Variants in PCLO observed in about 807,000 individuals in gnomAD.
PCLO encodes the protein protein piccolo.
PCLO carries 82 observed loss-of-function variants against 427.5 expected under a neutral mutation model. That is an observed-to-expected ratio of 0.19 (90% CI 0.16 to 0.23). The LOEUF is 0.23. PCLO is among the 10% of genes least tolerant of loss of function. PCLO has a pLI of 1.00. For missense variants in PCLO, 6,239 were observed against 6,115.9 expected, an observed-to-expected ratio of 1.02 and a Z score of -0.67; for synonymous variants, 2,357 against 2,155.4, an observed-to-expected ratio of 1.09 and a Z score of -2.59.
At chr7:83,037,989 T>TTATATATATATA (rs1161030427) in intron 3 of PCLO, among the ~76,000 whole-genome samples, 132 of 13,562 alleles carry the variant, frequency 9.7e-3, no homozygotes, top group South Asian at 0.012. Flanking sequence ...AAGGAGGAGC[T>TTATATATATATA]TATATATATA....
Position 82,949,537 on chromosome 7 carries a change from G to T in PCLO, c.11051C>A (p.Pro3684His). The part of the protein sequence containing the change: ...MMQRSMSDPK[P>H]LSPTADESSR... ...ACTTTCGTCTGCTGTTGGACTCAGA[G>T]GCTTGGGGTCAGACATAGAACGCTG... The change falls in exon 6 of 25, where the codon CCT (proline) becomes CAT (histidine). Residue 3684 changes from proline (P) to histidine (H), a missense_variant. Physicochemically the swap from Pro to His is moderately conservative, Grantham distance 77. Transcript: ENST00000333891. 6.2e-7 allele frequency: 1 copy of T among 1,613,696 alleles called. No individual in the cohort carries two copies. The highest frequency in any genetic ancestry group is 2.2e-5 in the East Asian group (1 of 44,878).
At chr7:82,991,599 T>C (rs991883407) in intron 3 of PCLO, among the ~76,000 whole-genome samples, 5 of 152,288 alleles carry the variant, frequency 3.3e-5, no homozygotes, top group African/African-American at 1.2e-4. Flanking sequence ...TCAAAGATAT[T>C]CACTAGAATG....
intron 10 of PCLO, among the ~76,000 whole-genome samples, chr7:82,874,726 T>C (rs1584085488): frequency 6.6e-6 from 1 of 152,144 alleles, no homozygotes; most frequent in African/African-American, 2.4e-5. Context: ...AAAAGGTATA[T>C]AATAATTAAT....
chr7:82,822,770 C>T, intron 19 of PCLO, 81 bp from the exon 20 acceptor site: 1 of 1,168,594 alleles, frequency 8.6e-7, no homozygotes, highest in African/African-American at 1.5e-5. Flanking sequence ...TAATTTGAAA[C>T]TGCCTAAAAT....
At chr7:82,957,280 G>T (rs540132086) in intron 4 of PCLO, among the ~76,000 whole-genome samples, 3 of 152,086 alleles carry the variant, frequency 2.0e-5, no homozygotes, top group Non-Finnish European at 4.4e-5. Flanking sequence ...TTGTGATGAA[G>T]ATATTTAAAG....
In PCLO at chr7:82,962,737, T is replaced by C. The variant is rs146168610; in HGVS notation, c.4017+3034A>G. ...GAAGTAATTTCTCTGATTGGAATTA[T>C]AATTTTAAAGAATAAGGTTAGGGAG... On this transcript the variant is annotated intron_variant, in intron 4 of 24. Coordinates refer to ENST00000333891, the MANE Select transcript of PCLO (RefSeq NM_033026.6). Among the ~76,000 whole-genome samples, 1,354 of 152,092 alleles carry C rather than the reference T, an allele frequency of 8.9e-3. 20 individuals carry two copies. The highest frequency in any genetic ancestry group is 0.03 in the African/African-American group (1,264 of 41,556).
At chr7:83,113,644 T>A (rs2116533037) in intron 3 of PCLO, among the ~76,000 whole-genome samples, 1 of 152,292 alleles carries the variant, frequency 6.6e-6, no homozygotes, top group African/African-American at 2.4e-5. Flanking sequence ...ACAAAGATTT[T>A]GTCAGCATCT....
intron 8 of PCLO, among the ~76,000 whole-genome samples, chr7:82,907,989 T>A (rs1281823424): frequency 6.6e-6 from 1 of 152,100 alleles, no homozygotes; most frequent in Non-Finnish European, 1.5e-5. Context: ...CTCAGTTGTT[T>A]AAAATATGGT....
chr7:83,125,474 A>C (rs1378739293), intron 3 of PCLO, among the ~76,000 whole-genome samples: 1 of 152,216 alleles, frequency 6.6e-6, no homozygotes. Context: ...GAAAAGAGAG[A>C]TCAGACTGTT....
At chr7:82,966,632 C>T (rs187282172) in intron 3 of PCLO, 145 bp from the exon 4 acceptor site, 82 of 468,420 alleles carry the variant, frequency 1.8e-4, no homozygotes, top group East Asian at 4.9e-4. Context: ...AATCCAATGA[C>T]GCAGTAATTT....
chr7:82,826,991 G>C (rs1424774937), intron 17 of PCLO, among the ~76,000 whole-genome samples: 1 of 151,894 alleles, frequency 6.6e-6, no homozygotes, highest in African/African-American at 2.4e-5. Context: ...TTCATAGATT[G>C]CAAAAATGTC....
At chr7:83,032,165 C>T (rs186372144) in intron 3 of PCLO, among the ~76,000 whole-genome samples, 2 of 152,272 alleles carry the variant, frequency 1.3e-5, no homozygotes, top group East Asian at 3.9e-4. Flanking sequence ...ACACTCAGTC[C>T]TATTCATCTT....
intron 3 of PCLO, among the ~76,000 whole-genome samples, chr7:83,008,107 ACAAAAGG>A (rs151210611): frequency 0.039 from 5,912 of 151,800 alleles, 149 homozygotes; most frequent in South Asian, 0.084. Flanking sequence ...ACACATACAT[ACAAAAGG>A]CATAAGAAAT....
At chr7:82,771,266 G>A (rs541122626) in intron 22 of PCLO, among the ~76,000 whole-genome samples, 2 of 151,842 alleles carry the variant, frequency 1.3e-5, no homozygotes, top group South Asian at 4.2e-4. Context: ...ATAAATGTTT[G>A]AGTCCAGTTT....
At chr7:82,789,414 AG>A (rs1206357639) in intron 22 of PCLO, among the ~76,000 whole-genome samples, 1 of 152,178 alleles carries the variant, frequency 6.6e-6, no homozygotes, top group African/African-American at 2.4e-5. Context: ...AAGCTAAGAA[AG>A]CAAAATGTGG....
At chr7:82,937,079 G>A (rs1159917025) in intron 6 of PCLO, among the ~76,000 whole-genome samples, 3 of 151,630 alleles carry the variant, frequency 2.0e-5, no homozygotes, top group Non-Finnish European at 4.4e-5. Flanking sequence ...AGAGGTAGTG[G>A]TGATTGTACA....
intron 3 of PCLO, among the ~76,000 whole-genome samples, chr7:83,034,915 T>G (rs62458592): frequency 0.012 from 1,790 of 152,308 alleles, 16 homozygotes; most frequent in Middle Eastern, 0.041. Flanking sequence ...TAGTTTTACC[T>G]CAAATAAGTA....
At position 82,889,691 on chromosome 7, in the gene PCLO, T is replaced by C. The variant is rs534354453; in HGVS notation, c.13529-10229A>G. The stretch of plus-strand genomic sequence containing the variant: ...TTTTTCATTGCAGCATTGTTTATAA[T>C]AATGGAAAGGGGAAAACGACATAAA... On this transcript the variant is annotated intron_variant, in intron 9 of 24. Coordinates refer to ENST00000333891, the MANE Select transcript of PCLO (RefSeq NM_033026.6). 2.5e-4 allele frequency among the ~76,000 whole-genome samples: 38 copies of C among 152,198 alleles called. 1 individual carries two copies. The highest frequency in any genetic ancestry group is 8.4e-4 in the African/African-American group (35 of 41,554).
At chr7:83,145,850 A>G (rs1308947754) in intron 2 of PCLO, among the ~76,000 whole-genome samples, 1 of 152,178 alleles carries the variant, frequency 6.6e-6, no homozygotes, top group Non-Finnish European at 1.5e-5. Context: ...CACACAACAA[A>G]TAAGTAGCTG....
Sources: gnomAD v4.1 joint callset for allele counts (sites outside exome capture counted in the v4.1 genomes callset) on GRCh38, gnomAD v4.1.1 for gene constraint, MANE v1.5 for transcripts, NCBI Gene and HGNC (gene_info 2026-07-23, HGNC 2026-07-21) for gene names.